SDK1: variants seen among roughly 807,000 people sequenced by gnomAD.
SDK1 encodes the protein protein sidekick-1.
Under a neutral mutation model 245.5 loss-of-function variants are expected in SDK1, and 157 were observed. The observed-to-expected ratio is 0.64, with a 90% CI of 0.56 to 0.73. The LOEUF (loss-of-function observed/expected upper bound fraction) is 0.73. Among genes scored for constraint, SDK1 ranks in the 30% least tolerant of loss-of-function variants. The pLI is 0.00. For synonymous variants in SDK1, 1,647 were observed against 1,278.5 expected, an observed-to-expected ratio of 1.29 and a Z score of -6.15; for missense variants, 3,583 against 3,002.3, an observed-to-expected ratio of 1.19 and a Z score of -4.52.
chr7:3,958,879 C>T (rs1781461072), intron 7 of SDK1, 52 bp from the exon 8 acceptor site: 1 of 1,409,302 alleles, frequency 7.1e-7, no homozygotes, highest in South Asian at 1.2e-5. Context: ...TATATGGTCT[C>T]TGACATATCC....
At position 3,696,645 on chromosome 7, in the gene SDK1, AT is replaced by A. The variant is rs371789090; in HGVS notation, c.713+54541del. Among the ~76,000 whole-genome samples the A allele has an allele frequency of 2.9e-4, 44 of 151,896 alleles. No individual in the cohort carries two copies. The Middle Eastern group carries it at 0.01, about 35-fold the overall frequency. ...TTACTCAAAAAGCAGCAATAATTGT[AT>A]CTTATGTAATTATTGTCTAAATTTC... On this transcript the variant is annotated intron_variant, in intron 4 of 44. Transcript: ENST00000404826.
chr7:3,950,933 C>G lies in SDK1; in HGVS notation c.858C>G (p.Gly286=). ...TTTTCTCTGCCACAGGAGATGTTGG[C>G]ACACCTGAAACCATGGCCCCAACCA... ...FIHLSIARDV[G]TPETMAPTIV... The change falls in exon 6 of 45, where the codon GGC becomes GGG. Residue 286 remains glycine, a synonymous_variant. Coordinates refer to ENST00000404826, the MANE Select transcript of SDK1 (RefSeq NM_152744.4). The G allele has an allele frequency of 1.2e-6, 2 of 1,613,442 alleles. No individual in the cohort carries two copies. Among genetic ancestry groups the G allele is most frequent in the Non-Finnish European group, 1.7e-6 (2 of 1,179,512 alleles).
At chr7:4,161,425 A>G (rs12701448) in intron 31 of SDK1, among the ~76,000 whole-genome samples, 62,347 of 152,022 alleles carry the variant, frequency 0.41, 15,109 homozygotes, top group East Asian at 0.76. Context: ...TAAAAAAAAG[A>G]GAAAAAGATA....
At chr7:4,222,848 G>A (rs1424013409) in intron 40 of SDK1, among the ~76,000 whole-genome samples, 1 of 152,100 alleles carries the variant, frequency 6.6e-6, no homozygotes, top group Non-Finnish European at 1.5e-5. Flanking sequence ...ACAGCCAGCT[G>A]GCCCTTTGCT....
chr7:4,242,339 A>G (rs926470414), intron 43 of SDK1, among the ~76,000 whole-genome samples: 1 of 152,142 alleles, frequency 6.6e-6, no homozygotes, highest in African/African-American at 2.4e-5. Flanking sequence ...TGTGTATTCC[A>G]AAGTTTTCCT....
At chr7:3,629,093 C>A (rs918433796) in intron 2 of SDK1, among the ~76,000 whole-genome samples, 3 of 151,518 alleles carry the variant, frequency 2.0e-5, no homozygotes, top group Non-Finnish European at 2.9e-5. Context: ...GTGATTGAGA[C>A]CATCCTGGCT....
intron 35 of SDK1, among the ~76,000 whole-genome samples, chr7:4,193,192 TA>T (rs1240685566): frequency 1.5e-5 from 2 of 133,356 alleles, no homozygotes; most frequent in Non-Finnish European, 3.1e-5. Context: ...ATAAATATAT[TA>T]ATATATTTAT....
At chr7:4,216,022 T>C (rs1457018363) in intron 38 of SDK1, among the ~76,000 whole-genome samples, 1 of 152,170 alleles carries the variant, frequency 6.6e-6, no homozygotes, top group African/African-American at 2.4e-5. Flanking sequence ...TCCTCCCAGC[T>C]GACTCTGCAG....
At chr7:3,448,954 G>A (rs1330181848) in intron 1 of SDK1, among the ~76,000 whole-genome samples, 2 of 152,100 alleles carry the variant, frequency 1.3e-5, no homozygotes, top group African/African-American at 2.4e-5. Flanking sequence ...TCACTAATCA[G>A]CTTGCAACCT....
chr7:3,755,661 C>T (rs1398763990), intron 4 of SDK1, among the ~76,000 whole-genome samples: 2 of 152,094 alleles, frequency 1.3e-5, no homozygotes, highest in Non-Finnish European at 1.5e-5. Context: ...TCATTTGTAA[C>T]CAACTCCTTC....
chr7:3,602,823 G>C (rs1170757303), intron 1 of SDK1, among the ~76,000 whole-genome samples: 2 of 152,184 alleles, frequency 1.3e-5, no homozygotes, highest in Non-Finnish European at 2.9e-5. Context: ...TAACATTTAA[G>C]TCTTTAATCC....
At chr7:3,814,686 C>T (rs2080787105) in intron 4 of SDK1, among the ~76,000 whole-genome samples, 1 of 151,938 alleles carries the variant, frequency 6.6e-6, no homozygotes, top group South Asian at 2.1e-4. Context: ...GGCATTGAAT[C>T]TGTAAATTAC....
At chr7:3,513,501 CAAA>C (rs1192146838) in intron 1 of SDK1, among the ~76,000 whole-genome samples, 1 of 151,872 alleles carries the variant, frequency 6.6e-6, no homozygotes, top group Admixed American at 6.6e-5. Context: ...ATATAAGACA[CAAA>C]GAAGAATTAA....
chr7:4,234,955 C>G (rs1033868367), intron 41 of SDK1, among the ~76,000 whole-genome samples: 1 of 152,176 alleles, frequency 6.6e-6, no homozygotes, highest in South Asian at 2.1e-4. Context: ...CTGTTCCTCT[C>G]CTCTGCGTTA....
intron 37 of SDK1, 128 bp downstream of exon 37, chr7:4,208,413 G>A (rs930484134): frequency 1.3e-6 from 1 of 788,528 alleles, no homozygotes; most frequent in Middle Eastern, 3.6e-4. Context: ...TTGAGTAGCT[G>A]GGAGTTTCTG....
At chr7:4,182,520 G>C (rs1390213732) in intron 35 of SDK1, among the ~76,000 whole-genome samples, 1 of 152,202 alleles carries the variant, frequency 6.6e-6, no homozygotes, top group Non-Finnish European at 1.5e-5. Context: ...ACGTGTCCTG[G>C]AGACAGGGCC....
At chr7:3,377,547 A>G (rs1258070616) in intron 1 of SDK1, among the ~76,000 whole-genome samples, 1 of 152,026 alleles carries the variant, frequency 6.6e-6, no homozygotes, top group Non-Finnish European at 1.5e-5. Flanking sequence ...GTACCCTGTC[A>G]GGCAGAGCTG....
chr7:4,222,275 A>G (rs1395047332), intron 40 of SDK1, among the ~76,000 whole-genome samples: 1 of 152,158 alleles, frequency 6.6e-6, no homozygotes, highest in Non-Finnish European at 1.5e-5. Flanking sequence ...ATTATTAGTT[A>G]CAAGTGCTTT....
Position 3,655,481 on chromosome 7 carries a change from A to G in SDK1, c.713+13376A>G, listed in dbSNP as rs866265277. On this transcript the variant is annotated intron_variant, in intron 4 of 44. Transcript: ENST00000404826. Reference sequence around the variant, plus strand: ...TATATATATATATATATATATATATATATATATATATATATATATATATGT... The same window carrying G: ...TATATATATATATATATATATATATGTATATATATATATATATATATATGT... 6.8e-3 allele frequency among the ~76,000 whole-genome samples: 521 copies of G among 76,268 alleles called. 28 individuals carry two copies. The highest frequency in any genetic ancestry group is 0.022 in the African/African-American group (482 of 21,562). The allele number at this position is 76,268 out of a possible 152,430, so 50.0% of individuals were successfully genotyped here.
Sources: gnomAD v4.1 joint callset for allele counts (sites outside exome capture counted in the v4.1 genomes callset) on GRCh38, gnomAD v4.1.1 for gene constraint, MANE v1.5 for transcripts, NCBI Gene and HGNC (gene_info 2026-07-23, HGNC 2026-07-21) for gene names.